STAG3: variants seen among roughly 807,000 people sequenced by gnomAD.
STAG3 encodes cohesin subunit SA-3.
STAG3 carries 101 observed loss-of-function variants against 160.7 expected under a neutral mutation model. The observed-to-expected ratio is 0.63, with a 90% CI of 0.54 to 0.74. The LOEUF (loss-of-function observed/expected upper bound fraction) is 0.74, where lower values mean the gene tolerates loss of function less well. STAG3 is among the 30% of genes least tolerant of loss of function. The probability of loss-of-function intolerance (pLI) is 0.00; values close to 1 mark genes in which losing one functional copy is unlikely to be tolerated. For synonymous variants in STAG3, 519 were observed against 585.0 expected, an observed-to-expected ratio of 0.89 and a Z score of 1.63; for missense variants, 1,188 against 1,517.4, an observed-to-expected ratio of 0.78 and a Z score of 3.61.
chr7:100,200,735 C>G, intron 18 of STAG3, 34 bp from the exon 19 acceptor site: 1 of 1,609,604 alleles, frequency 6.2e-7, no homozygotes, highest in Non-Finnish European at 8.5e-7. Context: ...CCTCCCATCC[C>G]CACAGCACAC....
At chr7:100,201,461 G>T (rs1270652699) in intron 21 of STAG3, 110 bp downstream of exon 21, 17 of 948,672 alleles carry the variant, frequency 1.8e-5, no homozygotes, top group Middle Eastern at 2.2e-4. Context: ...AGTGGACAAA[G>T]CGAGGAAGAT....
At chr7:100,213,614 CA>C in intron 32 of STAG3, 120 bp from the exon 33 acceptor site, 1 of 1,534,080 alleles carries the variant, frequency 6.5e-7, no homozygotes, top group Non-Finnish European at 8.7e-7. Context: ...CAGGAGGTGC[CA>C]TAGGGGCCTG....
chr7:100,182,210 C>G lies in STAG3; in HGVS notation c.219+18C>G, dbSNP rs376805911. On this transcript the variant is annotated intron_variant, in intron 3 of 33. Coordinates refer to ENST00000615138, the MANE Select transcript of STAG3 (RefSeq NM_001282717.2). ...CAACACCGGTGAGTCAGCCAGTTTT[C>G]TTTTGTTTTTGAATCTTGTGGGGGA... The G allele has an allele frequency of 6.3e-7, 1 of 1,596,112 alleles. No homozygotes were observed. Among genetic ancestry groups the G allele is most frequent in the African/African-American group, 1.3e-5 (1 of 74,324 alleles).
chr7:100,210,115 C>T (rs1018027330), intron 29 of STAG3, among the ~76,000 whole-genome samples: 6 of 152,144 alleles, frequency 3.9e-5, no homozygotes, highest in East Asian at 1.9e-4. Flanking sequence ...GCCCAGCCCT[C>T]GGGCATCACA....
Position 100,211,831 on chromosome 7 carries a change from A to G in STAG3, c.3555A>G (p.Leu1185=). The G allele has an allele frequency of 6.2e-7, 1 of 1,614,196 alleles. No homozygotes were observed. Among genetic ancestry groups the G allele is most frequent in the Non-Finnish European group, 8.5e-7 (1 of 1,180,032 alleles). Residue 1185 remains leucine, a synonymous_variant, in exon 32 of 34, where the codon TTA becomes TTG. Transcript: ENST00000615138. ...TGGAAGAGGACGAGGAAGAAGAGTTAGAAATCCAGGATGAGTCAAATGAAG... is the reference window on the plus strand; with the variant it reads ...TGGAAGAGGACGAGGAAGAAGAGTTGGAAATCCAGGATGAGTCAAATGAAG... ...SLMEEDEEEE[L]EIQDESNEER...
Position 100,180,271 on chromosome 7 carries a change from G to C in STAG3, c.-64-222G>C, listed in dbSNP as rs189211237. On this transcript the variant is annotated intron_variant, in intron 1 of 33. Coordinates refer to ENST00000615138, the MANE Select transcript of STAG3 (RefSeq NM_001282717.2). ...AATGGGGTCTTGCTGTATTGCCCAG[G>C]CTGGTCTTGAACTCCTGGGCTCAAG... Among the ~76,000 whole-genome samples, 1,310 of 151,638 alleles carry C rather than the reference G, an allele frequency of 8.6e-3. 23 individuals carry two copies. Among genetic ancestry groups the C allele is most frequent in the African/African-American group, 0.03 (1,238 of 41,284 alleles).
In STAG3 at chr7:100,182,723, G is replaced by A. The variant is rs147654811; in HGVS notation, c.220G>A (p.Val74Met). 1.8e-5 allele frequency: 29 copies of A among 1,613,528 alleles called. No homozygotes were observed. In the African/African-American group the frequency reaches 1.9e-4, roughly 10 times the overall value. ...TTTCTGATCTTTTTATACATATTAGGTGGCAAAACATCCAAAGAAAGGGTC... is the reference window on the plus strand; with the variant it reads ...TTTCTGATCTTTTTATACATATTAGATGGCAAAACATCCAAAGAAAGGGTC... ...AAKRPPKTTP[V>M]AKHPKKGSRV... The change falls in exon 4 of 34, where the codon GTG (valine) becomes ATG (methionine). Residue 74 changes from valine (V) to methionine (M), a missense_variant and splice_region_variant. Physicochemically the swap from Val to Met is conservative, Grantham distance 21. Around this residue, in one of 4 missense-constraint regions of STAG3, gnomAD observed 296 missense variants for 404.0 expected, o/e 0.73. Transcript: ENST00000615138.
intron 17 of STAG3, 55 bp from the exon 18 acceptor site, chr7:100,200,398 G>A: frequency 6.2e-7 from 1 of 1,612,560 alleles, no homozygotes; most frequent in Non-Finnish European, 8.5e-7. Context: ...GGGGGTGGGA[G>A]TAGGAATTAG....
At position 100,179,352 on chromosome 7, in the gene STAG3, A is replaced by G. The variant is rs541966053; in HGVS notation, c.-64-1141A>G. 2.7e-3 allele frequency among the ~76,000 whole-genome samples: 401 copies of G among 149,242 alleles called. 2 individuals are homozygous for G. The highest frequency in any genetic ancestry group is 1.7e-3 in the Non-Finnish European group (118 of 67,536). On this transcript the variant is annotated intron_variant, in intron 1 of 33. Coordinates refer to ENST00000615138, the MANE Select transcript of STAG3 (RefSeq NM_001282717.2). ...GTCCTCCTGTCTCAGCCTCCTGAGTAGCTGGGACCACAGGTGTGCGCAACA... is the reference window on the plus strand; with the variant it reads ...GTCCTCCTGTCTCAGCCTCCTGAGTGGCTGGGACCACAGGTGTGCGCAACA...
intron 1 of STAG3, 23 bp from the exon 2 acceptor site, chr7:100,180,470 C>T (rs1251163226): frequency 7.7e-6 from 6 of 782,126 alleles, no homozygotes; most frequent in South Asian, 1.4e-5. Context: ...TGGTAGGAGC[C>T]CTTTCTTCTC....
chr7:100,190,817 T>G (rs1800302838), intron 8 of STAG3, among the ~76,000 whole-genome samples: 1 of 152,238 alleles, frequency 6.6e-6, no homozygotes, highest in Admixed American at 6.5e-5. Context: ...TCTTTGAAAC[T>G]GTTCTTTCTA....
chr7:100,202,825 C>T (rs1801262626), intron 25 of STAG3, among the ~76,000 whole-genome samples: 1 of 152,162 alleles, frequency 6.6e-6, no homozygotes, highest in Non-Finnish European at 1.5e-5. Flanking sequence ...ATAGCTTATT[C>T]TTCCTGTCCA....
intron 4 of STAG3, among the ~76,000 whole-genome samples, chr7:100,183,366 A>G (rs527856311): frequency 3.7e-4 from 56 of 152,306 alleles, no homozygotes; most frequent in African/African-American, 1.2e-3. Context: ...TTATGCCTTT[A>G]TTGATTGATG....
At chr7:100,182,037 T>C in intron 2 of STAG3, 53 bp from the exon 3 acceptor site, 1 of 1,359,356 alleles carries the variant, frequency 7.4e-7, no homozygotes, top group Admixed American at 1.7e-5. Flanking sequence ...ATTAGCCTTT[T>C]ATATGGAGGG....
At chr7:100,215,849 T>A (rs2117629809), downstream of STAG3, among the ~76,000 whole-genome samples, 2 of 152,258 alleles carry the variant, frequency 1.3e-5, no homozygotes, top group South Asian at 4.1e-4. Flanking sequence ...ATAGAAATGA[T>A]GCCATGCTAG....
intron 31 of STAG3, 98 bp from the exon 32 acceptor site, chr7:100,211,697 C>T (rs902629301): frequency 1.0e-5 from 15 of 1,437,666 alleles, no homozygotes; most frequent in Non-Finnish European, 1.5e-5. Context: ...CTATGCTGTA[C>T]TTACTGCTCC....
intron 16 of STAG3, 38 bp downstream of exon 16, chr7:100,199,682 T>G (rs1369183686): frequency 6.8e-7 from 1 of 1,465,728 alleles, no homozygotes; most frequent in African/African-American, 1.4e-5. Flanking sequence ...TCAGCAATAC[T>G]CAGTCTTGAC....
chr7:100,196,035 A>G (rs1800661103), intron 9 of STAG3, among the ~76,000 whole-genome samples: 1 of 152,116 alleles, frequency 6.6e-6, no homozygotes, highest in East Asian at 1.9e-4. Context: ...AGGCTGAGGC[A>G]GGAGAATCGC....
At chr7:100,196,188 C>T (rs936338816) in intron 9 of STAG3, among the ~76,000 whole-genome samples, 4 of 152,108 alleles carry the variant, frequency 2.6e-5, no homozygotes, top group African/African-American at 9.7e-5. Flanking sequence ...ACCTAGGTTT[C>T]ACTTCTGCCT....
Sources: gnomAD v4.1 joint callset for allele counts (sites outside exome capture counted in the v4.1 genomes callset) on GRCh38, gnomAD v4.1.1 for gene constraint, gnomAD v4.1.1 regional missense constraint, MANE v1.5 for transcripts, NCBI Gene and HGNC (gene_info 2026-07-23, HGNC 2026-07-21) for gene names.